Variants in LRRC4C observed in about 807,000 individuals in gnomAD.
LRRC4C encodes leucine-rich repeat-containing protein 4C.
In LRRC4C, 5 loss-of-function variants were observed where a neutral mutation model predicts 33.6. That is an observed-to-expected ratio of 0.15 (90% CI 0.08 to 0.31). The LOEUF is 0.31. LRRC4C is among the 10% of genes least tolerant of loss of function. The pLI is 1.00. For missense variants in LRRC4C, 560 were observed against 796.7 expected, an observed-to-expected ratio of 0.70 and a Z score of 3.58; for synonymous variants, 329 against 302.0, an observed-to-expected ratio of 1.09 and a Z score of -0.93.
intron 1 of LRRC4C, among the ~76,000 whole-genome samples, chr11:41,102,529 T>C (rs1941252640): frequency 6.6e-6 from 1 of 152,096 alleles, no homozygotes; most frequent in African/African-American, 2.4e-5. Context: ...AAAATATTAC[T>C]TTCATACTTA....
intron 3 of LRRC4C, among the ~76,000 whole-genome samples, chr11:40,601,417 T>C (rs937879979): frequency 2.0e-5 from 3 of 152,208 alleles, no homozygotes; most frequent in Admixed American, 6.5e-5. Context: ...TTCTTTATGA[T>C]TGATTATCAG....
chr11:41,379,839 G>A (rs185340734), intron 1 of LRRC4C, among the ~76,000 whole-genome samples: 2 of 152,230 alleles, frequency 1.3e-5, no homozygotes, highest in South Asian at 2.1e-4. Context: ...ATTATTCTCA[G>A]TATGAAATTT....
At chr11:41,453,694 G>A (rs1256244555) in intron 1 of LRRC4C, among the ~76,000 whole-genome samples, 1 of 152,014 alleles carries the variant, frequency 6.6e-6, no homozygotes, top group Admixed American at 6.6e-5. Flanking sequence ...GTTTGTATGT[G>A]AGAAGTATAA....
chr11:40,790,251 C>T (rs1358122418), intron 2 of LRRC4C, among the ~76,000 whole-genome samples: 2 of 152,142 alleles, frequency 1.3e-5, no homozygotes, highest in Non-Finnish European at 2.9e-5. Context: ...TTCTTATTTG[C>T]AAAGTGGAAT....
intron 2 of LRRC4C, among the ~76,000 whole-genome samples, chr11:40,663,415 G>A (rs989613145): frequency 6.6e-6 from 1 of 152,072 alleles, no homozygotes; most frequent in Non-Finnish European, 1.5e-5. Flanking sequence ...TCTTCCTTTT[G>A]GTAATTAATT....
chr11:40,165,580 T>A (rs1859522699), intron 5 of LRRC4C, among the ~76,000 whole-genome samples: 1 of 152,228 alleles, frequency 6.6e-6, no homozygotes, highest in African/African-American at 2.4e-5. Context: ...AATTCTGTGA[T>A]ATGTTAGTTC....
In LRRC4C at chr11:41,153,907, G is replaced by T. The variant is rs115220678; in HGVS notation, c.-495-220184C>A. On this transcript the variant is annotated intron_variant, in intron 1 of 6. Coordinates refer to ENST00000528697, the MANE Select transcript of LRRC4C (RefSeq NM_001258419.2). ...GTGTCTTTATAAAAGGAGGGTAAAG[G>T]GATATTTGACCTACAGAAGAGAAGA... Among the ~76,000 whole-genome samples the T allele has an allele frequency of 6.2e-3, 945 of 152,144 alleles. 15 individuals carry two copies. Among genetic ancestry groups the T allele is most frequent in the African/African-American group, 0.022 (897 of 41,526 alleles).
chr11:40,617,224 A>T (rs1591288081), intron 3 of LRRC4C, among the ~76,000 whole-genome samples: 1 of 151,712 alleles, frequency 6.6e-6, no homozygotes, highest in East Asian at 1.9e-4. Flanking sequence ...ATTTCTAATT[A>T]TTATTGTATG....
At chr11:40,974,679 G>T (rs1851959161) in intron 1 of LRRC4C, among the ~76,000 whole-genome samples, 1 of 152,206 alleles carries the variant, frequency 6.6e-6, no homozygotes, top group Admixed American at 6.5e-5. Context: ...GTCTGAGAAG[G>T]TGTTTCCAGG....
At chr11:40,872,545 A>G (rs1220672733) in intron 2 of LRRC4C, among the ~76,000 whole-genome samples, 1 of 152,034 alleles carries the variant, frequency 6.6e-6, no homozygotes, top group South Asian at 2.1e-4. Flanking sequence ...TGTTACTTAA[A>G]TGTCTCTTCT....
rs561784006 is a variant in LRRC4C, at chr11:41,347,050, A to T, written c.-496+112381T>A. ...GAAAACTAAAAGAGGTTTGATTTTA[A>T]TTAATTTGAAATGTATACATGCCCA... On this transcript the variant is annotated intron_variant, in intron 1 of 6. Coordinates refer to ENST00000528697, the MANE Select transcript of LRRC4C (RefSeq NM_001258419.2). Among the ~76,000 whole-genome samples, 79 of 152,334 alleles carry T rather than the reference A, an allele frequency of 5.2e-4. 1 individual carries two copies. Among genetic ancestry groups the T allele is most frequent in the Middle Eastern group, 3.4e-3 (1 of 294 alleles).
chr11:40,908,065 G>C (rs543128139), intron 2 of LRRC4C, among the ~76,000 whole-genome samples: 1 of 152,030 alleles, frequency 6.6e-6, no homozygotes, highest in Non-Finnish European at 1.5e-5. Flanking sequence ...AAAAAGCAAG[G>C]ATTTTTTTTC....
chr11:40,254,699 G>A (rs1396423639), intron 4 of LRRC4C, among the ~76,000 whole-genome samples: 2 of 152,110 alleles, frequency 1.3e-5, no homozygotes, highest in Admixed American at 6.6e-5. Flanking sequence ...CCTTCTTCCA[G>A]ACACTGAAGA....
At chr11:40,880,856 T>C (rs1955138704) in intron 2 of LRRC4C, among the ~76,000 whole-genome samples, 1 of 61,026 alleles carries the variant, frequency 1.6e-5, no homozygotes, top group African/African-American at 4.1e-5. Flanking sequence ...AAATAAAATG[T>C]GTGTGTGTAT....
At chr11:40,184,325 T>C (rs1033773854) in intron 5 of LRRC4C, among the ~76,000 whole-genome samples, 4 of 152,210 alleles carry the variant, frequency 2.6e-5, no homozygotes, top group South Asian at 2.1e-4. Context: ...AATATTGAGA[T>C]TTCAAATAAG....
At chr11:40,147,358 C>T (rs1298950958) in intron 5 of LRRC4C, among the ~76,000 whole-genome samples, 1 of 152,106 alleles carries the variant, frequency 6.6e-6, no homozygotes, top group South Asian at 2.1e-4. Flanking sequence ...CTTACAGGAT[C>T]CCTGTCCTGC....
chr11:41,166,011 A>G (rs1016686636), intron 1 of LRRC4C, among the ~76,000 whole-genome samples: 2 of 150,616 alleles, frequency 1.3e-5, no homozygotes, highest in Non-Finnish European at 2.9e-5. Flanking sequence ...AGCCTCGGCA[A>G]CAAGAGCGAA....
intron 3 of LRRC4C, among the ~76,000 whole-genome samples, chr11:40,422,838 G>A (rs1950567922): frequency 6.6e-6 from 1 of 152,164 alleles, no homozygotes; most frequent in African/African-American, 2.4e-5. Flanking sequence ...CCAGTAGTGA[G>A]CTGAGCTACT....
chr11:40,884,810 T>TA (rs1955362425), intron 2 of LRRC4C, among the ~76,000 whole-genome samples: 3 of 152,006 alleles, frequency 2.0e-5, no homozygotes, highest in South Asian at 4.1e-4. Context: ...ATCTTTTACT[T>TA]AAAAAAAGTT....
Sources: allele counts gnomAD v4.1 joint callset (sites outside exome capture counted in the v4.1 genomes callset), GRCh38; gene constraint gnomAD v4.1.1; transcripts MANE v1.5; gene names NCBI Gene and HGNC (gene_info 2026-07-23, HGNC 2026-07-21).